MUC12: variants seen among roughly 807,000 people sequenced by gnomAD.
The protein encoded by MUC12 is mucin 12, cell surface associated.
In MUC12, 172 loss-of-function variants were observed where a neutral mutation model predicts 230.8. That is an observed-to-expected ratio of 0.75 (90% CI 0.66 to 0.85). The LOEUF is 0.85. Among genes scored for constraint, MUC12 ranks in the 40% least tolerant of loss-of-function variants. MUC12 has a pLI of 0.00. For synonymous variants in MUC12, 1,259 were observed against 2,401.9 expected (o/e 0.52, Z 13.91); for missense variants, 3,506 against 5,920.6 (o/e 0.59, Z 13.38).
At position 100,990,717 on chromosome 7, in the gene MUC12, T is replaced by A; in HGVS notation, c.154T>A (p.Tyr52Asn). Residue 52 changes from tyrosine (Y) to asparagine (N), a missense_variant, in exon 2 of 12, where the codon TAT (tyrosine) becomes AAT (asparagine). By Grantham distance (143) the Tyr-to-Asn change is moderately radical. Transcript: ENST00000536621. ...CGACCCTTTTACCACCTTTAGTGAC[T>A]ATGGGGTGTCAGTCACATTTATCAC... ...SSDPFTTFSD[Y>N]GVSVTFITGS... 1 of 1,537,924 alleles carries A rather than the reference T, an allele frequency of 6.5e-7. No homozygotes were observed. The highest frequency in any genetic ancestry group is 8.7e-7 in the Non-Finnish European group (1 of 1,147,054).
intron 10 of MUC12, 55 bp downstream of exon 10, chr7:101,015,746 G>C: frequency 6.8e-7 from 1 of 1,465,260 alleles, no homozygotes; most frequent in Non-Finnish European, 9.2e-7. Flanking sequence ...AAGAAAGGCA[G>C]GGCGGTGCCT....
Position 100,990,703 on chromosome 7 carries a change from C to G in MUC12, c.140C>G (p.Thr47Ser), listed in dbSNP as rs1309159866. 1 of 1,537,786 alleles carries G rather than the reference C, an allele frequency of 6.5e-7. No homozygotes were observed. Among genetic ancestry groups the G allele is most frequent in the Non-Finnish European group, 8.7e-7 (1 of 1,147,060 alleles). ...ACACCCAGTTCAAGCGACCCTTTTA[C>G]CACCTTTAGTGACTATGGGGTGTCA... ...ASTPSSSDPF[T>S]TFSDYGVSVT... Residue 47 changes from threonine (T) to serine (S), a missense_variant, in exon 2 of 12, where the codon ACC (threonine) becomes AGC (serine). By Grantham distance (58) the Thr-to-Ser change is moderately conservative. Transcript: ENST00000536621.
Position 100,992,604 on chromosome 7 carries a change from G to A in MUC12, c.2041G>A (p.Gly681Ser). The A allele has an allele frequency of 6.5e-7, 1 of 1,537,792 alleles. No homozygotes were observed. Among genetic ancestry groups the A allele is most frequent in the Non-Finnish European group, 8.7e-7 (1 of 1,146,986 alleles). Reference protein sequence around the residue: ...THISARSTTSGLVEESTTYHS... With the variant: ...THISARSTTSSLVEESTTYHS... ...CATTTCTGCCCGCTCCACAACCTCA[G>A]GCCTCGTTGAAGAATCTACGACCTA... Residue 681 changes from glycine to serine, a missense_variant, in exon 2 of 12, where the codon GGC (glycine) becomes AGC (serine). Transcript: ENST00000536621.
At chr7:101,015,001 T>G (rs1793894452) in intron 9 of MUC12, among the ~76,000 whole-genome samples, 1 of 152,118 alleles carries the variant, frequency 6.6e-6, no homozygotes, top group Non-Finnish European at 1.5e-5. Flanking sequence ...TGTTAATCTA[T>G]TCATGAGGAC....
chr7:100,970,607 GT>G (rs1792857347), intron 1 of MUC12, among the ~76,000 whole-genome samples: 1 of 152,056 alleles, frequency 6.6e-6, no homozygotes, highest in African/African-American at 2.4e-5. Flanking sequence ...CAGTTGCAGG[GT>G]CTCGCCTGCA....
rs1793340713 is a variant in MUC12 at position 100,992,389 on chromosome 7, A to G, written c.1826A>G (p.His609Arg). The change falls in exon 2 of 12, where the codon CAC (histidine) becomes CGC (arginine). Residue 609 changes from histidine to arginine, a missense_variant. By Grantham distance (29) the His-to-Arg change is conservative. Coordinates refer to ENST00000536621, the MANE Select transcript of MUC12 (RefSeq NM_001164462.2). ...SGLLEASMPVHSSTRSPHTTL... is the reference protein window; with the variant it reads ...SGLLEASMPVRSSTRSPHTTL... ...CTCCTTGAAGCATCTATGCCCGTCC[A>G]CAGCAGCACCAGATCGCCACACACA... The G allele has an allele frequency of 2.6e-6, 4 of 1,537,044 alleles. No individual in the cohort carries two copies. The highest frequency in any genetic ancestry group is 3.5e-6 in the Non-Finnish European group (4 of 1,146,300).
chr7:101,004,526 C>T lies in MUC12; in HGVS notation c.13963C>T (p.Pro4655Ser), dbSNP rs1399184266. 8 of 1,534,070 alleles carry T rather than the reference C, an allele frequency of 5.2e-6. No homozygotes were observed. In the Admixed American group the frequency reaches 5.9e-5, roughly 11 times the overall value. Residue 4655 changes from proline (P) to serine (S), a missense_variant, in exon 2 of 12, where the codon CCT (proline) becomes TCT (serine). Pro to Ser is a moderately conservative substitution (Grantham distance 74, BLOSUM62 -1). Transcript: ENST00000536621. ...CACCACATCTGCCCTTGTTGAAGAA[C>T]CTACCAGCTACCACAGCAGCCCGGG... Reference protein sequence around the residue: ...PSTTSALVEEPTSYHSSPGSI... With the variant: ...PSTTSALVEESTSYHSSPGSI...
intron 9 of MUC12, 50 bp downstream of exon 9, chr7:101,014,124 TG>T: frequency 6.8e-7 from 1 of 1,470,994 alleles, no homozygotes; most frequent in Non-Finnish European, 9.0e-7. Context: ...GGACAGATCC[TG>T]GGGTGGCCAC....
At position 100,992,768 on chromosome 7, in the gene MUC12, T is replaced by G. The variant is rs1312912682; in HGVS notation, c.2205T>G (p.Leu735=). ...ISSAPSTTSA[L]VEEPTSYHSS... The stretch of plus-strand genomic sequence containing the variant: ...CAGCTCCTAGCACCACATCTGCCCT[T>G]GTTGAAGAACCTACCAGCTACCACA... The change falls in exon 2 of 12, where the codon CTT becomes CTG. Residue 735 remains leucine (L), a synonymous_variant. Transcript: ENST00000536621. The G allele has an allele frequency of 6.5e-7, 1 of 1,536,484 alleles. No individual in the cohort carries two copies. The highest frequency in any genetic ancestry group is 8.7e-7 in the Non-Finnish European group (1 of 1,146,838).
Position 100,993,522 on chromosome 7 carries a change from C to A in MUC12, c.2959C>A (p.Leu987Ile). Residue 987 changes from leucine (L) to isoleucine (I), a missense_variant, in exon 2 of 12, where the codon CTT becomes ATT. Physicochemically the swap from Leu to Ile is conservative, Grantham distance 5. Transcript: ENST00000536621. ...LSPASSTSPG[L>I]QGESTAFQTH... is the part of the protein sequence containing the mutation. The stretch of plus-strand genomic sequence containing the variant: ...CCCTGCCAGCTCCACAAGCCCTGGA[C>A]TTCAGGGAGAATCTACTGCCTTCCA... 4.0e-6 allele frequency: 4 copies of A among 1,011,156 alleles called. 1 individual carries two copies. The highest frequency in any genetic ancestry group is 5.3e-6 in the Non-Finnish European group (4 of 751,462). The allele number at this position is 1,011,156 out of a possible 1,614,324, so 62.6% of individuals were successfully genotyped here. A position where few individuals can be genotyped will look rare whatever the true frequency, so the allele number is the denominator to read the frequency against.
chr7:101,006,479 C>T lies in MUC12; in HGVS notation c.14965C>T (p.Gln4989Ter), dbSNP rs1226024781. 1 of 1,536,846 alleles carries T rather than the reference C, an allele frequency of 6.5e-7. No individual in the cohort carries two copies. The highest frequency in any genetic ancestry group is 1.4e-5 in the African/African-American group (1 of 72,998). Residue 4989 changes from glutamine (Q) to a stop codon, truncating the protein, a stop_gained, in exon 3 of 12, where the codon CAG becomes TAG. Coordinates refer to ENST00000536621, the MANE Select transcript of MUC12 (RefSeq NM_001164462.2). LOFTEE classifies it high-confidence loss of function. ...SLETLAPGLC[Q>*]EGQIWNGKQC... Reference sequence around the variant, plus strand: ...ATTCTATCTCTCCACAGGGTTGTGCCAGGAAGGACAAATTTGGAATGGAAA... The same window carrying T: ...ATTCTATCTCTCCACAGGGTTGTGCTAGGAAGGACAAATTTGGAATGGAAA...
intron 1 of MUC12, among the ~76,000 whole-genome samples, chr7:100,976,692 TAAG>T (rs1213577708): frequency 6.6e-6 from 1 of 152,050 alleles, no homozygotes; most frequent in Non-Finnish European, 1.5e-5. Flanking sequence ...ACAACATTCC[TAAG>T]AAGAAGGATG....
rs1293181097 is a variant in MUC12 at position 100,990,728 on chromosome 7, A to G, written c.165A>G (p.Ser55=). The G allele has an allele frequency of 6.5e-7, 1 of 1,537,786 alleles. No homozygotes were observed. Among genetic ancestry groups the G allele is most frequent in the Non-Finnish European group, 8.7e-7 (1 of 1,147,070 alleles). The part of the protein sequence containing the change: ...PFTTFSDYGV[S]VTFITGSTAT... ...CCACCTTTAGTGACTATGGGGTGTC[A>G]GTCACATTTATCACGGGCTCAACTG... Residue 55 remains serine (S), a synonymous_variant, in exon 2 of 12, where the codon TCA becomes TCG. Coordinates refer to ENST00000536621, the MANE Select transcript of MUC12 (RefSeq NM_001164462.2).
intron 1 of MUC12, among the ~76,000 whole-genome samples, chr7:100,988,954 C>G (rs992790951): frequency 3.3e-5 from 5 of 152,140 alleles, no homozygotes; most frequent in African/African-American, 7.2e-5. Context: ...CTCTCATTCT[C>G]TCTCTTGCCT....
chr7:100,989,504 G>T (rs1793245381), intron 1 of MUC12, among the ~76,000 whole-genome samples: 1 of 152,102 alleles, frequency 6.6e-6, no homozygotes, highest in Non-Finnish European at 1.5e-5. Flanking sequence ...GGAACAAAAG[G>T]AACGCGTGTG....
chr7:100,991,508 C>T lies in MUC12; in HGVS notation c.945C>T (p.Thr315=). Residue 315 remains threonine (T), a synonymous_variant, in exon 2 of 12, where the codon ACC becomes ACT. Transcript: ENST00000536621. ...YHSSPSSTPT[T]HFSASSTTLG... ...GCAGCCCGAGCTCAACTCCAACAAC[C>T]CACTTTTCTGCCAGCTCCACAACCT... is the stretch of plus-strand genomic sequence containing the variant. 4.6e-6 allele frequency: 7 copies of T among 1,536,954 alleles called. No homozygotes were observed. The highest frequency in any genetic ancestry group is 6.1e-6 in the Non-Finnish European group (7 of 1,146,464).
rs1793852003 is a variant in MUC12 at position 101,012,437 on chromosome 7, T to G, written c.15393T>G (p.Asp5131Glu). 2.6e-6 allele frequency: 4 copies of G among 1,537,752 alleles called. No individual in the cohort carries two copies. The highest frequency in any genetic ancestry group is 3.5e-6 in the Non-Finnish European group (4 of 1,147,048). The change falls in exon 6 of 12, where the codon GAT (aspartate) becomes GAG (glutamate). Residue 5131 changes from aspartate (D) to glutamate (E), a missense_variant. Transcript: ENST00000536621. ...CTAGAACAACTCTTCTTGATCCTGATTCCTGCAGAAGTAAGCTCACCTAAA... is the reference window on the plus strand; with the variant it reads ...CTAGAACAACTCTTCTTGATCCTGAGTCCTGCAGAAGTAAGCTCACCTAAA... ...NETRTTLLDP[D>E]SCRKAILCYS...
In MUC12 at chr7:100,991,519, C is replaced by T. The variant is rs1244357431; in HGVS notation, c.956C>T (p.Ala319Val). 1 of 1,537,146 alleles carries T rather than the reference C, an allele frequency of 6.5e-7. No homozygotes were observed. The highest frequency in any genetic ancestry group is 8.7e-7 in the Non-Finnish European group (1 of 1,146,532). ...TCAACTCCAACAACCCACTTTTCTG[C>T]CAGCTCCACAACCTTGGGCCATAGT... ...PSSTPTTHFS[A>V]SSTTLGHSEE... The change falls in exon 2 of 12, where the codon GCC (alanine) becomes GTC (valine). Residue 319 changes from alanine (A) to valine (V), a missense_variant. Coordinates refer to ENST00000536621, the MANE Select transcript of MUC12 (RefSeq NM_001164462.2).
In MUC12 at chr7:101,004,608, A is replaced by C. The variant is rs372325320; in HGVS notation, c.14045A>C (p.Glu4682Ala). The C allele has an allele frequency of 6.5e-7, 1 of 1,536,832 alleles. No homozygotes were observed. The highest frequency in any genetic ancestry group is 2.0e-5 in the Admixed American group (1 of 50,988). The change falls in exon 2 of 12, where the codon GAA becomes GCA. Residue 4682 changes from glutamate (E) to alanine (A), a missense_variant. Transcript: ENST00000536621. ...TCCACAACCTCCGGCCGTAGTGAGGAATCAACAGCATCCCACAGCAGCCCA... is the reference window on the plus strand; with the variant it reads ...TCCACAACCTCCGGCCGTAGTGAGGCATCAACAGCATCCCACAGCAGCCCA... ...ESSTTSGRSEESTASHSSPDT... is the reference protein window; with the variant it reads ...ESSTTSGRSEASTASHSSPDT...
Sources: gnomAD v4.1 joint callset for allele counts (sites outside exome capture counted in the v4.1 genomes callset) on GRCh38, gnomAD v4.1.1 for gene constraint, MANE v1.5 for transcripts, NCBI Gene and HGNC (gene_info 2026-07-23, HGNC 2026-07-21) for gene names.